The following EPB41L4A variants were observed in gnomAD, a reference collection of about 807,000 sequenced individuals.
The protein encoded by EPB41L4A is band 4.1-like protein 4A.
EPB41L4A carries 100 observed loss-of-function variants against 108.6 expected under a neutral mutation model. That is an observed-to-expected ratio of 0.92 (90% CI 0.78 to 1.09). The LOEUF is 1.09. Ranked by LOEUF, EPB41L4A falls within the 50% of genes least tolerant of loss-of-function variation. EPB41L4A has a pLI of 0.00. For synonymous variants in EPB41L4A, 319 were observed against 289.0 expected (o/e 1.10, Z -1.05); for missense variants, 1,030 against 842.7 (o/e 1.22, Z -2.75).
Position 112,204,370 on chromosome 5 carries a change from CT to C in EPB41L4A, c.1376+4del, listed in dbSNP as rs1439710524. Reference sequence around the variant, plus strand: ...CTGCTAACAGAGAGATTGTGTTCCGCTTACCTCCTCCTCACAGGCTGTACAG... The same window carrying C: ...CTGCTAACAGAGAGATTGTGTTCCGCTACCTCCTCCTCACAGGCTGTACAG... On this transcript the variant is annotated splice_donor_region_variant and intron_variant, in intron 15 of 22. Transcript: ENST00000261486. The C allele has an allele frequency of 3.1e-6, 5 of 1,598,514 alleles. No homozygotes were observed. Among genetic ancestry groups the C allele is most frequent in the African/African-American group, 1.3e-5 (1 of 74,568 alleles).
rs1349882641 is a variant in EPB41L4A, at chr5:112,168,840, G to A, written c.1851-20C>T. ...TTTGAACTGCAGAGAATGAGTTTTAGAATTAGTGACTGGAACAGTATCTAG... is the reference window on the plus strand; with the variant it reads ...TTTGAACTGCAGAGAATGAGTTTTAAAATTAGTGACTGGAACAGTATCTAG... On this transcript the variant is annotated intron_variant, in intron 21 of 22. Coordinates refer to ENST00000261486, the MANE Select transcript of EPB41L4A (RefSeq NM_022140.5). 1.2e-6 allele frequency: 2 copies of A among 1,600,240 alleles called. No homozygotes were observed. Among genetic ancestry groups the A allele is most frequent in the Non-Finnish European group, 1.7e-6 (2 of 1,167,508 alleles).
At chr5:112,349,964 A>G (rs1333034081) in intron 1 of EPB41L4A, among the ~76,000 whole-genome samples, 1 of 152,196 alleles carries the variant, frequency 6.6e-6, no homozygotes, top group East Asian at 1.9e-4. Flanking sequence ...ATAGGGGCGA[A>G]GACGACGACA....
chr5:112,407,627 T>C (rs1482817663), intron 1 of EPB41L4A, among the ~76,000 whole-genome samples: 1 of 152,202 alleles, frequency 6.6e-6, no homozygotes, highest in African/African-American at 2.4e-5. Flanking sequence ...AAATTATTCA[T>C]AAAACCTATG....
chr5:112,239,791 G>A, intron 10 of EPB41L4A, 54 bp from the exon 11 acceptor site: 1 of 1,223,908 alleles, frequency 8.2e-7, no homozygotes, highest in South Asian at 1.3e-5. Flanking sequence ...TAGGCATTCT[G>A]GGCCACCCCC....
chr5:112,142,160 G>T (rs1195973744), downstream of EPB41L4A, among the ~76,000 whole-genome samples: 1 of 152,120 alleles, frequency 6.6e-6, no homozygotes, highest in East Asian at 1.9e-4. Flanking sequence ...TATACACTAG[G>T]TTCTAAGACT....
At chr5:112,314,059 C>T (rs940539207) in intron 1 of EPB41L4A, among the ~76,000 whole-genome samples, 5 of 151,760 alleles carry the variant, frequency 3.3e-5, no homozygotes, top group East Asian at 2.0e-4. Context: ...GGGGTTTCAC[C>T]GTGTTAGCCA....
At chr5:112,186,279 A>ACTTTTC (rs1761423980) in intron 17 of EPB41L4A, among the ~76,000 whole-genome samples, 1 of 152,188 alleles carries the variant, frequency 6.6e-6, no homozygotes, top group African/African-American at 2.4e-5. Flanking sequence ...GCAAACACAT[A>ACTTTTC]CTTTTCCTAG....
At chr5:112,149,126 C>T (rs1028580905) in intron 12 of EPB41L4A, among the ~76,000 whole-genome samples, 1 of 152,094 alleles carries the variant, frequency 6.6e-6, no homozygotes, top group African/African-American at 2.4e-5. Flanking sequence ...TTATTTTAAA[C>T]GAACTACTGA....
intron 1 of EPB41L4A, among the ~76,000 whole-genome samples, chr5:112,417,392 G>T (rs1475413059): frequency 6.6e-6 from 1 of 152,092 alleles, no homozygotes; most frequent in Non-Finnish European, 1.5e-5. Flanking sequence ...ACTTCAAAAA[G>T]ATTTCTTTAC....
chr5:112,307,097 T>G (rs1754738433), intron 2 of EPB41L4A, among the ~76,000 whole-genome samples: 1 of 152,142 alleles, frequency 6.6e-6, no homozygotes. Flanking sequence ...CAGTCCTCCA[T>G]GTTCACTCAT....
chr5:112,412,478 A>G (rs1390915702), intron 1 of EPB41L4A, among the ~76,000 whole-genome samples: 2 of 152,242 alleles, frequency 1.3e-5, no homozygotes, highest in African/African-American at 2.4e-5. Flanking sequence ...CTCAGAGGAC[A>G]CAGGAATGCA....
intron 11 of EPB41L4A, among the ~76,000 whole-genome samples, chr5:112,235,553 T>C (rs1749269824): frequency 6.6e-6 from 1 of 152,176 alleles, no homozygotes; most frequent in Non-Finnish European, 1.5e-5. Context: ...AGTACAGCCA[T>C]CTATGGGAGG....
At chr5:112,260,657 G>A (rs1236228206) in intron 7 of EPB41L4A, among the ~76,000 whole-genome samples, 1 of 152,002 alleles carries the variant, frequency 6.6e-6, no homozygotes, top group African/African-American at 2.4e-5. Flanking sequence ...AATCTCTTCT[G>A]GTAAAGACTA....
Position 112,275,339 on chromosome 5 carries a change from C to G in EPB41L4A, c.322G>C (p.Glu108Gln). 6 of 1,552,944 alleles carry G rather than the reference C, an allele frequency of 3.9e-6. No individual in the cohort carries two copies. Among genetic ancestry groups the G allele is most frequent in the Non-Finnish European group, 5.3e-6 (6 of 1,142,356 alleles). The change falls in exon 4 of 23, where the codon GAA becomes CAA. Residue 108 changes from glutamate to glutamine, a missense_variant. By Grantham distance (29) the Glu-to-Gln change is conservative (BLOSUM62 2). Coordinates refer to ENST00000261486, the MANE Select transcript of EPB41L4A (RefSeq NM_022140.5). Reference protein sequence around the residue: ...FYAEDPCKLKEEITRYQFFLQ... With the variant: ...FYAEDPCKLKQEITRYQFFLQ... ...TCAATACTATACCTGGTTATTTCTT[C>G]TTTAAGTTTACATGGATCTTCAGCA...
intron 15 of EPB41L4A, among the ~76,000 whole-genome samples, chr5:112,201,274 G>C (rs938612308): frequency 8.5e-5 from 13 of 152,130 alleles, no homozygotes; most frequent in African/African-American, 3.1e-4. Context: ...CAGGCAAAAA[G>C]ATCCTCTTCC....
intron 1 of EPB41L4A, among the ~76,000 whole-genome samples, chr5:112,346,215 CATTTTT>C (rs1196102243): frequency 4.1e-5 from 2 of 49,044 alleles, no homozygotes; most frequent in African/African-American, 9.1e-5. Context: ...AGGTACATTG[CATTTTT>C]TTTTTTTTTT....
intron 4 of EPB41L4A, among the ~76,000 whole-genome samples, chr5:112,272,932 C>T (rs951907364): frequency 2.0e-5 from 3 of 152,096 alleles, no homozygotes; most frequent in African/African-American, 7.2e-5. Flanking sequence ...TACAGACAAC[C>T]TAACAGCCAA....
chr5:112,218,141 G>A (rs936821687), intron 12 of EPB41L4A, among the ~76,000 whole-genome samples: 2 of 152,180 alleles, frequency 1.3e-5, no homozygotes, highest in Non-Finnish European at 2.9e-5. Context: ...AAACAAGAAA[G>A]GGATTTGTGA....
intron 18 of EPB41L4A, 36 bp downstream of exon 18, chr5:112,183,980 T>C (rs1467778738): frequency 6.2e-7 from 1 of 1,611,868 alleles, no homozygotes; most frequent in Non-Finnish European, 8.5e-7. Context: ...TCAAATTCAG[T>C]GTTTTTGAAT....
Sources: gnomAD v4.1 joint callset for allele counts (sites outside exome capture counted in the v4.1 genomes callset) on GRCh38, gnomAD v4.1.1 for gene constraint, MANE v1.5 for transcripts, NCBI Gene and HGNC (gene_info 2026-07-23, HGNC 2026-07-21) for gene names.